Variants in SLC6A7 observed in about 807,000 individuals in gnomAD.
SLC6A7 encodes the protein sodium-dependent proline transporter.
A neutral mutation model predicts 73.1 loss-of-function variants in SLC6A7; 58 were observed. The ratio of observed to expected loss-of-function variants is 0.79; its 90% confidence interval spans 0.64 to 0.99. SLC6A7 has a LOEUF of 0.99. Among genes scored for constraint, SLC6A7 ranks in the 50% least tolerant of loss-of-function variants. The probability of loss-of-function intolerance (pLI) is 0.00; values close to 1 mark genes in which losing one functional copy is unlikely to be tolerated. For missense variants in SLC6A7, 783 were observed against 831.4 expected, an observed-to-expected ratio of 0.94 and a Z score of 0.72; for synonymous variants, 338 against 338.7, an observed-to-expected ratio of 1.00 and a Z score of 0.02.
At chr5:150,198,740 G>A (rs1272708300) in intron 4 of SLC6A7, among the ~76,000 whole-genome samples, 1 of 151,718 alleles carries the variant, frequency 6.6e-6, no homozygotes, top group Non-Finnish European at 1.5e-5. Flanking sequence ...GCAATGGGAG[G>A]GAACCAGGAG....
At chr5:150,202,492 GGGAGGA>G (rs780956987) in intron 7 of SLC6A7, 42 bp downstream of exon 7, 15 of 1,611,362 alleles carry the variant, frequency 9.3e-6, no homozygotes, top group Admixed American at 8.3e-5. Context: ...GTCCAAAGCA[GGGAGGA>G]GAGTGGCTGG....
rs778170697 is a variant in SLC6A7 at position 150,204,606 on chromosome 5, G to T, written c.1407G>T (p.Thr469=). 14 of 1,612,158 alleles carry T rather than the reference G, an allele frequency of 8.7e-6. No homozygotes were observed. The highest frequency in any genetic ancestry group is 1.2e-5 in the Non-Finnish European group (14 of 1,178,104). The part of the protein sequence containing the change: ...SFGLMVVVIT[T]CLAVTRVYGI... ...GGCTGATGGTGGTGGTTATCACCAC[G>T]TGCCTTGCCGTGACACGGGTGTATG... Residue 469 remains threonine, a synonymous_variant, in exon 11 of 14, where the codon ACG becomes ACT. Coordinates refer to ENST00000230671, the MANE Select transcript of SLC6A7 (RefSeq NM_014228.5).
intron 13 of SLC6A7, among the ~76,000 whole-genome samples, chr5:150,208,914 C>T (rs1215595924): frequency 1.3e-5 from 2 of 152,172 alleles, no homozygotes; most frequent in South Asian, 2.1e-4. Context: ...GCAAGCCCAC[C>T]GCAGTTCTCC....
At chr5:150,197,318 C>T (rs1466867578) in intron 4 of SLC6A7, 42 bp downstream of exon 4, 1 of 1,373,384 alleles carries the variant, frequency 7.3e-7, no homozygotes, top group East Asian at 2.3e-5. Flanking sequence ...GGGGACCCTG[C>T]ACTGCTGAGG....
chr5:150,192,850 G>A (rs546672768), intron 1 of SLC6A7, among the ~76,000 whole-genome samples: 102 of 152,284 alleles, frequency 6.7e-4, no homozygotes, highest in African/African-American at 2.4e-3. Context: ...GGATGGGCGG[G>A]GGGTGTCTCA....
At chr5:150,197,953 C>T (rs986348361) in intron 4 of SLC6A7, among the ~76,000 whole-genome samples, 1 of 151,802 alleles carries the variant, frequency 6.6e-6, no homozygotes, top group Non-Finnish European at 1.5e-5. Flanking sequence ...TGGTGGGTGT[C>T]GGAAGGACGT....
At chr5:150,199,435 C>G in intron 5 of SLC6A7, 69 bp downstream of exon 5, 1 of 1,177,416 alleles carries the variant, frequency 8.5e-7, no homozygotes, top group Non-Finnish European at 1.2e-6. Context: ...GAAGGCAGGG[C>G]TTGGACTGAG....
intron 8 of SLC6A7, among the ~76,000 whole-genome samples, chr5:150,202,946 A>G (rs1753468752): frequency 6.6e-6 from 1 of 152,118 alleles, no homozygotes; most frequent in African/African-American, 2.4e-5. Flanking sequence ...GTGGTGGCAC[A>G]TGCCTGTAAT....
In SLC6A7 at chr5:150,197,139, C is replaced by T; in HGVS notation, c.447C>T (p.Thr149=). Residue 149 remains threonine, a synonymous_variant, in exon 4 of 14, where the codon ACC becomes ACT. Coordinates refer to ENST00000230671, the MANE Select transcript of SLC6A7 (RefSeq NM_014228.5). ...TCTTCTACCTCTTCGCCTCCCTCAC[C>T]AGCGACCTACCCTGGGAGCACTGTG... ...YVLFYLFASL[T]SDLPWEHCGN... The T allele has an allele frequency of 6.2e-7, 1 of 1,614,110 alleles. No homozygotes were observed. The highest frequency in any genetic ancestry group is 8.5e-7 in the Non-Finnish European group (1 of 1,180,024).
chr5:150,207,872 G>C (rs1405588441), intron 13 of SLC6A7, among the ~76,000 whole-genome samples: 2 of 152,030 alleles, frequency 1.3e-5, no homozygotes, highest in South Asian at 2.1e-4. Context: ...GTTCTCACAG[G>C]GGGTGATTTT....
In SLC6A7 at chr5:150,204,606, G is replaced by A. The variant is rs778170697; in HGVS notation, c.1407G>A (p.Thr469=). 7.4e-6 allele frequency: 12 copies of A among 1,612,158 alleles called. No homozygotes were observed. The highest frequency in any genetic ancestry group is 4.0e-5 in the African/African-American group (3 of 75,036). Residue 469 remains threonine (T), a synonymous_variant, in exon 11 of 14, where the codon ACG becomes ACA. Transcript: ENST00000230671. ...GGCTGATGGTGGTGGTTATCACCAC[G>A]TGCCTTGCCGTGACACGGGTGTATG... ...SFGLMVVVIT[T]CLAVTRVYGI... is the part of the protein sequence containing the mutation.
At chr5:150,205,799 G>T (rs1391814411) in intron 13 of SLC6A7, among the ~76,000 whole-genome samples, 176 bp downstream of exon 13, 1 of 152,202 alleles carries the variant, frequency 6.6e-6, no homozygotes, top group African/African-American at 2.4e-5. Context: ...GTGGCACTTT[G>T]TACCACATGA....
At chr5:150,204,353 C>T (rs538307883) in intron 10 of SLC6A7, among the ~76,000 whole-genome samples, 179 bp from the exon 11 acceptor site, 21 of 152,314 alleles carry the variant, frequency 1.4e-4, no homozygotes, top group South Asian at 6.2e-4. Context: ...CTATAATAGA[C>T]GGCTGTCTTG....
In SLC6A7 at chr5:150,208,141, T is replaced by C. The variant is rs73279875; in HGVS notation, c.1702-1265T>C. 7.6e-3 allele frequency among the ~76,000 whole-genome samples: 1,159 copies of C among 151,962 alleles called. 17 individuals carry two copies. The highest frequency in any genetic ancestry group is 0.027 in the African/African-American group (1,104 of 41,428). The stretch of plus-strand genomic sequence containing the variant: ...TAAGTCCTTGTTCTCAGGGAGCTTG[T>C]ATTTTATTGTGGGGGACAGGCAATA... On this transcript the variant is annotated intron_variant, in intron 13 of 13. Coordinates refer to ENST00000230671, the MANE Select transcript of SLC6A7 (RefSeq NM_014228.5).
At chr5:150,197,354 C>T (rs1297406593) in intron 4 of SLC6A7, 78 bp downstream of exon 4, 2 of 936,292 alleles carry the variant, frequency 2.1e-6, no homozygotes, top group African/African-American at 1.7e-5. Context: ...CCCCCACAGT[C>T]TCAGCATGTA....
intron 6 of SLC6A7, 89 bp from the exon 7 acceptor site, chr5:150,202,258 C>A: frequency 1.1e-6 from 1 of 908,246 alleles, no homozygotes; most frequent in Non-Finnish European, 1.8e-6. Context: ...CACGCCATCC[C>A]TGGAGCTGTC....
intron 1 of SLC6A7, among the ~76,000 whole-genome samples, chr5:150,193,388 C>G (rs1300718199): frequency 6.6e-6 from 1 of 152,198 alleles, no homozygotes; most frequent in Non-Finnish European, 1.5e-5. Context: ...CTTTCTGACA[C>G]AGATCACGGC....
intron 13 of SLC6A7, among the ~76,000 whole-genome samples, chr5:150,206,302 C>A (rs1753696775): frequency 6.6e-6 from 1 of 152,146 alleles, no homozygotes; most frequent in African/African-American, 2.4e-5. Context: ...TGGATGGCAT[C>A]CAGAGAGAGC....
chr5:150,191,436 G>T (rs992148221), intron 1 of SLC6A7, among the ~76,000 whole-genome samples: 1 of 145,754 alleles, frequency 6.9e-6, no homozygotes, highest in Non-Finnish European at 1.5e-5. Flanking sequence ...TCTTTTTCTT[G>T]TTTTTTTTTT....
Sources: gnomAD v4.1 joint callset for allele counts (sites outside exome capture counted in the v4.1 genomes callset) on GRCh38, gnomAD v4.1.1 for gene constraint, MANE v1.5 for transcripts, NCBI Gene and HGNC (gene_info 2026-07-23, HGNC 2026-07-21) for gene names.